Variants in HDAC9 observed in about 807,000 individuals in gnomAD.
HDAC9 encodes the protein MEF-2 interacting transcription repressor (MITR) protein.
A neutral mutation model predicts 139.4 loss-of-function variants in HDAC9; 41 were observed. That is an observed-to-expected ratio of 0.29 (90% CI 0.23 to 0.38). The LOEUF (loss-of-function observed/expected upper bound fraction) is 0.38. Ranked by LOEUF, HDAC9 falls within the 10% of genes least tolerant of loss-of-function variation. The pLI is 1.00. For synonymous variants in HDAC9, 517 were observed against 476.2 expected, an observed-to-expected ratio of 1.09 and a Z score of -1.12; for missense variants, 1,147 against 1,297.0, an observed-to-expected ratio of 0.88 and a Z score of 1.78.
chr7:18,905,179 C>T (rs1264369790), intron 22 of HDAC9, among the ~76,000 whole-genome samples: 1 of 152,180 alleles, frequency 6.6e-6, no homozygotes, highest in Non-Finnish European at 1.5e-5. Context: ...GCGTGAGCCA[C>T]TGCGCCCGGC....
intron 2 of HDAC9, among the ~76,000 whole-genome samples, chr7:18,215,001 C>G (rs182751623): frequency 6.6e-6 from 1 of 152,190 alleles, no homozygotes; most frequent in Admixed American, 6.6e-5. Context: ...ACAGTTTATA[C>G]TTAAGTACTA....
intron 2 of HDAC9, among the ~76,000 whole-genome samples, chr7:18,565,160 C>A (rs1192704973): frequency 6.6e-6 from 1 of 151,992 alleles, no homozygotes; most frequent in Non-Finnish European, 1.5e-5. Context: ...CCACACCCAG[C>A]TAATTTTGTA....
chr7:18,980,655 C>A (rs1048923208), intron 25 of HDAC9, among the ~76,000 whole-genome samples: 1 of 143,586 alleles, frequency 7.0e-6, no homozygotes, highest in African/African-American at 2.5e-5. Context: ...ATTTGTTACA[C>A]TTTTTCTTGT....
intron 2 of HDAC9, among the ~76,000 whole-genome samples, chr7:18,256,405 A>G (rs1205878829): frequency 6.6e-6 from 1 of 152,192 alleles, no homozygotes; most frequent in Non-Finnish European, 1.5e-5. Context: ...ATTTTAGAGG[A>G]GCTAGATGGA....
intron 2 of HDAC9, among the ~76,000 whole-genome samples, chr7:18,257,473 T>G (rs1006605154): frequency 6.6e-6 from 1 of 150,624 alleles, no homozygotes; most frequent in Non-Finnish European, 1.5e-5. Context: ...AAATTAAAGA[T>G]GAAGTTCTAC....
chr7:18,819,796 A>G (rs1210902691), intron 17 of HDAC9, among the ~76,000 whole-genome samples: 4 of 152,206 alleles, frequency 2.6e-5, no homozygotes, highest in African/African-American at 9.6e-5. Context: ...GAGAAAGTAA[A>G]ACTTGAGAAG....
At chr7:18,406,779 C>A (rs545390635) in intron 1 of HDAC9, among the ~76,000 whole-genome samples, 3 of 152,164 alleles carry the variant, frequency 2.0e-5, no homozygotes, top group African/African-American at 7.2e-5. Context: ...TGAAACATCT[C>A]TCTTATGATT....
At chr7:18,499,224 T>C (rs1372294729) in intron 2 of HDAC9, among the ~76,000 whole-genome samples, 1 of 152,148 alleles carries the variant, frequency 6.6e-6, no homozygotes, top group African/African-American at 2.4e-5. Context: ...GTTGTGTAAT[T>C]TCTTTAGCAA....
At chr7:18,502,602 T>A (rs930884696) in intron 2 of HDAC9, 11 of 152,240 alleles carry the variant, frequency 7.2e-5, no homozygotes, top group African/African-American at 2.4e-4. Flanking sequence ...GTGTTGACTT[T>A]CTTTTCATGA....
intron 1 of HDAC9, among the ~76,000 whole-genome samples, chr7:18,368,591 A>G (rs1275884251): frequency 6.6e-6 from 1 of 151,994 alleles, no homozygotes; most frequent in Non-Finnish European, 1.5e-5. Flanking sequence ...TATTAATTTT[A>G]TGAAAAAATG....
chr7:18,782,340 G>A (rs1487275293), intron 16 of HDAC9, among the ~76,000 whole-genome samples: 1 of 152,096 alleles, frequency 6.6e-6, no homozygotes, highest in Non-Finnish European at 1.5e-5. Context: ...GCAACAGGCT[G>A]CATTTAGATT....
chr7:18,622,975 C>G (rs1265097291), intron 6 of HDAC9, among the ~76,000 whole-genome samples: 1 of 151,828 alleles, frequency 6.6e-6, no homozygotes, highest in Admixed American at 6.6e-5. Flanking sequence ...AAAACCCCAT[C>G]TGTATAAAAA....
chr7:18,404,688 A>G (rs949473759), intron 1 of HDAC9, among the ~76,000 whole-genome samples: 4 of 152,252 alleles, frequency 2.6e-5, no homozygotes, highest in African/African-American at 7.2e-5. Context: ...GAAACGTTGT[A>G]TAACAAAATC....
chr7:18,798,728 A>G (rs1793022974), intron 17 of HDAC9, among the ~76,000 whole-genome samples: 2 of 152,168 alleles, frequency 1.3e-5, no homozygotes, highest in Admixed American at 1.3e-4. Flanking sequence ...ATTAGTGGCG[A>G]TCACTCAACT....
At chr7:18,442,016 C>T (rs1045035865) in intron 1 of HDAC9, among the ~76,000 whole-genome samples, 4 of 152,034 alleles carry the variant, frequency 2.6e-5, no homozygotes, top group South Asian at 2.1e-4. Context: ...GTGATCTGCC[C>T]GCCTCAGCCT....
chr7:18,760,673 C>A (rs10237404), intron 14 of HDAC9, among the ~76,000 whole-genome samples: 11,760 of 152,242 alleles, frequency 0.077, 1,482 homozygotes, highest in African/African-American at 0.26. Flanking sequence ...TTCAGCACGT[C>A]AAGGCAGTGT....
At chr7:18,388,400 T>G (rs942870397) in intron 1 of HDAC9, among the ~76,000 whole-genome samples, 1 of 152,138 alleles carries the variant, frequency 6.6e-6, no homozygotes, top group Non-Finnish European at 1.5e-5. Flanking sequence ...GAAGCCCCAA[T>G]ATTGTTTTGT....
chr7:18,510,472 T>C (rs1801152138), intron 2 of HDAC9, among the ~76,000 whole-genome samples: 1 of 151,936 alleles, frequency 6.6e-6, no homozygotes, highest in Admixed American at 6.5e-5. Flanking sequence ...ATTTTTCCCT[T>C]CTCCTATGTT....
chr7:18,258,930 A>G (rs1795455463), intron 2 of HDAC9, among the ~76,000 whole-genome samples: 1 of 148,520 alleles, frequency 6.7e-6, no homozygotes, highest in Non-Finnish European at 1.5e-5. Context: ...AGGTAATAAT[A>G]AAGTAGGGAT....
Sources: allele counts gnomAD v4.1 joint callset (sites outside exome capture counted in the v4.1 genomes callset), GRCh38; gene constraint gnomAD v4.1.1; transcripts MANE v1.5; gene names NCBI Gene and HGNC (gene_info 2026-07-23, HGNC 2026-07-21).